Variants in TM4SF20 observed in about 807,000 individuals in gnomAD.
TM4SF20 encodes the protein transmembrane 4 L six family member 20, also known as transmembrane 4 L6 family member 20.
Under a neutral mutation model 15.1 loss-of-function variants are expected in TM4SF20, and 13 were observed. That is an observed-to-expected ratio of 0.86 (90% CI 0.56 to 1.36). The LOEUF (loss-of-function observed/expected upper bound fraction) is 1.36. Among genes scored for constraint, TM4SF20 ranks in the 40% most tolerant of loss-of-function variants. TM4SF20 has a pLI of 0.00. For missense variants in TM4SF20, 282 were observed against 268.4 expected (o/e 1.05, Z -0.35); for synonymous variants, 92 against 96.6 (o/e 0.95, Z 0.28).
At chr2:227,371,484 G>A (rs1473008393) in intron 1 of TM4SF20, among the ~76,000 whole-genome samples, 1 of 152,090 alleles carries the variant, frequency 6.6e-6, no homozygotes, top group Non-Finnish European at 1.5e-5. Context: ...AGGACCACAG[G>A]TGTAGACCAC....
At chr2:227,375,415 C>G (rs74320336) in intron 1 of TM4SF20, among the ~76,000 whole-genome samples, 19,392 of 152,132 alleles carry the variant, frequency 0.13, 1,463 homozygotes, top group Non-Finnish European at 0.17. Flanking sequence ...CAAAAAAAAC[C>G]AAAGAAAACC....
Position 227,373,389 on chromosome 2 carries a change from C to T in TM4SF20, c.184-2409G>A, listed in dbSNP as rs192918989. On this transcript the variant is annotated intron_variant, in intron 1 of 3. Transcript: ENST00000304568. ...AGCCACCTTGGCGCATAGCTGAAAG[C>T]CCAGAAGAAAAGGGAAAAGAAATTT... Among the ~76,000 whole-genome samples the T allele has an allele frequency of 4.6e-5, 7 of 152,266 alleles. No homozygotes were observed. In the East Asian group the frequency reaches 1.4e-3, roughly 29 times the overall value.
intron 1 of TM4SF20, among the ~76,000 whole-genome samples, chr2:227,373,927 CAAAA>C (rs373068376): frequency 2.9e-5 from 3 of 103,066 alleles, no homozygotes; most frequent in Admixed American, 1.1e-4. Flanking sequence ...GACTCCGTCT[CAAAA>C]AAAAAAAAAA....
chr2:227,377,120 T>C (rs2076455109), intron 1 of TM4SF20, among the ~76,000 whole-genome samples: 1 of 136,602 alleles, frequency 7.3e-6, no homozygotes, highest in East Asian at 2.3e-4. Flanking sequence ...TTAATGCTAA[T>C]ACATTTTTTT....
In TM4SF20 at chr2:227,369,954, G is replaced by A. The variant is rs143237320; in HGVS notation, c.249+961C>T. Among the ~76,000 whole-genome samples, 35 of 152,242 alleles carry A rather than the reference G, an allele frequency of 2.3e-4. No homozygotes were observed. The East Asian group carries it at 3.3e-3, about 14-fold the overall frequency. On this transcript the variant is annotated intron_variant, in intron 2 of 3. Transcript: ENST00000304568. ...GGCAAATTATTTACTTTCTCTGAGC[G>A]TCCATTCCTTCGTCAATCAAACACA...
chr2:227,380,607 G>C (rs1286365968), upstream of TM4SF20, among the ~76,000 whole-genome samples: 1 of 152,198 alleles, frequency 6.6e-6, no homozygotes, highest in Non-Finnish European at 1.5e-5. Flanking sequence ...AGTTCAAGTG[G>C]GTGGAAATAC....
intron 2 of TM4SF20, among the ~76,000 whole-genome samples, chr2:227,369,150 C>T (rs1487831989): frequency 2.0e-5 from 3 of 151,992 alleles, no homozygotes; most frequent in African/African-American, 7.3e-5. Flanking sequence ...TTATTGAATA[C>T]CTAAAATGTA....
In TM4SF20 at chr2:227,363,507, T is replaced by G. The variant is rs2076373648; in HGVS notation, c.*217A>C. The G allele has an allele frequency of 2.1e-6, 1 of 479,108 alleles. No individual in the cohort carries two copies. The highest frequency in any genetic ancestry group is 3.6e-5 in the East Asian group (1 of 27,576). 29.7% of individuals were successfully genotyped at this position (479,108 alleles called of 1,614,324 possible). A position where few individuals can be genotyped will look rare whatever the true frequency, so the allele number is the denominator to read the frequency against. Reference sequence around the variant, plus strand: ...TCCCTTCTCCTTTCTCTACACACAGTGAAGAGGTAAAAAATTTGAATAGTA... The same window carrying G: ...TCCCTTCTCCTTTCTCTACACACAGGGAAGAGGTAAAAAATTTGAATAGTA... On this transcript the variant is annotated 3_prime_UTR_variant, in exon 4 of 4. Coordinates refer to ENST00000304568, the MANE Select transcript of TM4SF20 (RefSeq NM_024795.4).
At chr2:227,368,840 GAC>G (rs1221342143) in intron 2 of TM4SF20, among the ~76,000 whole-genome samples, 2 of 152,212 alleles carry the variant, frequency 1.3e-5, no homozygotes, top group Non-Finnish European at 2.9e-5. Flanking sequence ...TAAAATAGGG[GAC>G]AAGCCTTGGT....
chr2:227,370,987 A>T lies in TM4SF20; in HGVS notation c.184-7T>A. On this transcript the variant is annotated splice_polypyrimidine_tract_variant and splice_region_variant and intron_variant, in intron 1 of 3. Transcript: ENST00000304568. ...TTGTTGTTGCTGGAATGGCCTGGAA[A>T]TGACATCAACAGGAAAGATGAGTAT... is the stretch of plus-strand genomic sequence containing the variant. 1 of 1,613,360 alleles carries T rather than the reference A, an allele frequency of 6.2e-7. No homozygotes were observed. The highest frequency in any genetic ancestry group is 1.1e-5 in the South Asian group (1 of 91,076).
At position 227,366,229 on chromosome 2, in the gene TM4SF20, G is replaced by A. The variant is rs76547437; in HGVS notation, c.265C>T (p.Leu89Phe). The change falls in exon 3 of 4, where the codon CTT becomes TTT. Residue 89 changes from leucine (L) to phenylalanine (F), a missense_variant. By Grantham distance (22) the Leu-to-Phe change is conservative. Transcript: ENST00000304568. ...NNRTGMFLSS[L>F]FSVITVIGAL... ...CCAATGACTGTGATCACACTGAAAA[G>A]TGATGAAAGAAACATCTGAAAAATA... 0.13 allele frequency: 216,651 copies of A among 1,607,434 alleles called. 15,548 individuals carry two copies. The highest frequency in any genetic ancestry group is 0.15 in the Non-Finnish European group (177,452 of 1,177,738).
intron 1 of TM4SF20, among the ~76,000 whole-genome samples, chr2:227,375,540 A>G (rs1355417175): frequency 6.6e-6 from 1 of 152,132 alleles, no homozygotes; most frequent in East Asian, 1.9e-4. Flanking sequence ...CCTAGGCTGG[A>G]GTACAGTGGC....
At chr2:227,365,184 T>C (rs1575021196) in intron 3 of TM4SF20, among the ~76,000 whole-genome samples, 1 of 152,376 alleles carries the variant, frequency 6.6e-6, no homozygotes, top group East Asian at 1.9e-4. Context: ...GTGCTGGGAT[T>C]ACAGGCGTGA....
At position 227,362,749 on chromosome 2, in the gene TM4SF20, C is replaced by A. The variant is rs946525401; in HGVS notation, c.*975G>T. On this transcript the variant is annotated 3_prime_UTR_variant, in exon 4 of 4. Coordinates refer to ENST00000304568, the MANE Select transcript of TM4SF20 (RefSeq NM_024795.4). ...TTATTATAGGCAAAATTCCAAAATC[C>A]AAAAAAATGTGAAAGCCAAAACACT... 6.6e-6 allele frequency: 1 copy of A among 152,018 alleles called. No individual in the cohort carries two copies. The highest frequency in any genetic ancestry group is 6.5e-5 in the Admixed American group (1 of 15,272). 9.4% of individuals were successfully genotyped at this position (152,018 alleles called of 1,614,324 possible).
chr2:227,372,518 C>T (rs1484989562), intron 1 of TM4SF20, among the ~76,000 whole-genome samples: 7 of 152,046 alleles, frequency 4.6e-5, no homozygotes, highest in Non-Finnish European at 8.8e-5. Flanking sequence ...GTGGTGCACA[C>T]CTGTAGCCCC....
Position 227,366,224 on chromosome 2 carries a change from G to T in TM4SF20, c.270C>A (p.Phe90Leu). 1.2e-6 allele frequency: 2 copies of T among 1,607,990 alleles called. No individual in the cohort carries two copies. Among genetic ancestry groups the T allele is most frequent in the Non-Finnish European group, 1.7e-6 (2 of 1,178,560 alleles). ...NRTGMFLSSL[F>L]SVITVIGALY... ...GAGCACCAATGACTGTGATCACACTGAAAAGTGATGAAAGAAACATCTGAA... is the reference window on the plus strand; with the variant it reads ...GAGCACCAATGACTGTGATCACACTTAAAAGTGATGAAAGAAACATCTGAA... The change falls in exon 3 of 4, where the codon TTC becomes TTA. Residue 90 changes from phenylalanine (F) to leucine (L), a missense_variant. Coordinates refer to ENST00000304568, the MANE Select transcript of TM4SF20 (RefSeq NM_024795.4).
chr2:227,376,326 A>G (rs919791046), intron 1 of TM4SF20, among the ~76,000 whole-genome samples: 1 of 150,222 alleles, frequency 6.7e-6, no homozygotes, highest in African/African-American at 2.4e-5. Flanking sequence ...AGTATTTTGA[A>G]CTAGTGAGTA....
intron 2 of TM4SF20, among the ~76,000 whole-genome samples, chr2:227,368,151 G>A (rs190683840): frequency 0.027 from 3,986 of 148,928 alleles, 184 homozygotes; most frequent in African/African-American, 0.093. Context: ...AGCCTCCTGA[G>A]TAGCTGGGAC....
At chr2:227,376,192 T>C (rs2076449865) in intron 1 of TM4SF20, among the ~76,000 whole-genome samples, 1 of 152,206 alleles carries the variant, frequency 6.6e-6, no homozygotes, top group Non-Finnish European at 1.5e-5. Context: ...TTGGTAACAA[T>C]ACTAATTTGA....
Sources: gnomAD v4.1 joint callset for allele counts (sites outside exome capture counted in the v4.1 genomes callset) on GRCh38, gnomAD v4.1.1 for gene constraint, MANE v1.5 for transcripts, NCBI Gene and HGNC (gene_info 2026-07-23, HGNC 2026-07-21) for gene names.